Variants in PCDH7 observed in about 807,000 individuals in gnomAD.
PCDH7 encodes protocadherin 7.
PCDH7 carries 17 observed loss-of-function variants against 58.9 expected under a neutral mutation model. The observed-to-expected ratio is 0.29, with a 90% CI of 0.20 to 0.43. PCDH7 has a LOEUF of 0.43. PCDH7 is among the 20% of genes least tolerant of loss of function. The probability of loss-of-function intolerance (pLI) is 1.00; values close to 1 mark genes in which losing one functional copy is unlikely to be tolerated. For missense variants in PCDH7, 1,274 were observed against 1,441.0 expected (o/e 0.88, Z 1.88); for synonymous variants, 664 against 616.4 (o/e 1.08, Z -1.14).
intron 2 of PCDH7, among the ~76,000 whole-genome samples, chr4:30,920,614 T>A (rs1035219225): frequency 3.9e-5 from 6 of 152,098 alleles, no homozygotes; most frequent in African/African-American, 1.4e-4. Context: ...TATAAATAAA[T>A]CAGAACAGGG....
intron 3 of PCDH7, among the ~76,000 whole-genome samples, chr4:30,958,575 A>G (rs1296696333): frequency 6.6e-6 from 1 of 151,948 alleles, no homozygotes; most frequent in African/African-American, 2.4e-5. Flanking sequence ...ATATCATAAG[A>G]AAAAAATCTT....
At chr4:30,767,203 G>A (rs1041298383) in intron 1 of PCDH7, among the ~76,000 whole-genome samples, 1 of 152,174 alleles carries the variant, frequency 6.6e-6, no homozygotes, top group Non-Finnish European at 1.5e-5. Context: ...TGATTCAATA[G>A]CAGGGTATGG....
chr4:30,793,126 T>G (rs1724342509), intron 1 of PCDH7, among the ~76,000 whole-genome samples: 1 of 152,166 alleles, frequency 6.6e-6, no homozygotes, highest in South Asian at 2.1e-4. Context: ...AACGCCTTGC[T>G]ATTTTGATTG....
intron 2 of PCDH7, among the ~76,000 whole-genome samples, chr4:30,932,274 G>A (rs749991687): frequency 3.9e-5 from 6 of 152,124 alleles, no homozygotes; most frequent in African/African-American, 9.7e-5. Flanking sequence ...GAAATGTCAC[G>A]TCACTGATGT....
At chr4:31,053,001 CT>C (rs558461830) in intron 3 of PCDH7, among the ~76,000 whole-genome samples, 1 of 151,158 alleles carries the variant, frequency 6.6e-6, no homozygotes, top group Non-Finnish European at 1.5e-5. Context: ...AGTCAAATTA[CT>C]TTTTTTTTAC....
Position 30,722,608 on chromosome 4 carries a change from A to C in PCDH7, c.1186A>C (p.Thr396Pro). The C allele has an allele frequency of 6.2e-7, 1 of 1,613,240 alleles. No homozygotes were observed. The change falls in exon 1 of 2, where the codon ACC (threonine) becomes CCC (proline). Residue 396 changes from threonine (T) to proline (P), a missense_variant. By Grantham distance (38) the Thr-to-Pro change is conservative. Transcript: ENST00000361762. The surrounding 1 kb of genome is among the most constrained non-coding windows in gnomAD (Gnocchi z 7.6). ...CCGCGACCGCGGGCAGCCCCCCAAGACCGACAAGGCCACCGTGGTCCTTAA... is the reference window on the plus strand; with the variant it reads ...CCGCGACCGCGGGCAGCCCCCCAAGCCCGACAAGGCCACCGTGGTCCTTAA...
intron 1 of PCDH7, among the ~76,000 whole-genome samples, chr4:30,729,399 G>T (rs183322147): frequency 4.1e-4 from 63 of 151,830 alleles, no homozygotes; most frequent in African/African-American, 1.4e-3. Context: ...AAAATTATCT[G>T]GGAAAATATA....
intron 2 of PCDH7, among the ~76,000 whole-genome samples, chr4:30,927,241 T>C (rs548722079): frequency 5.9e-5 from 9 of 152,316 alleles, no homozygotes; most frequent in African/African-American, 2.2e-4. Context: ...TTCTTTTTGC[T>C]TATAGATTAC....
chr4:30,928,623 T>A (rs1432219152), intron 2 of PCDH7, among the ~76,000 whole-genome samples: 2 of 152,006 alleles, frequency 1.3e-5, no homozygotes, highest in Non-Finnish European at 2.9e-5. Flanking sequence ...AAGTTCAGAG[T>A]GGTGTGAGGT....
At chr4:30,842,931 AT>A (rs1486102166) in intron 1 of PCDH7, among the ~76,000 whole-genome samples, 1 of 151,966 alleles carries the variant, frequency 6.6e-6, no homozygotes, top group Non-Finnish European at 1.5e-5. Context: ...TACTTATTCT[AT>A]TGTTTTCCAT....
At chr4:31,140,294 G>A (rs1405904987) in intron 3 of PCDH7, among the ~76,000 whole-genome samples, 1 of 152,122 alleles carries the variant, frequency 6.6e-6, no homozygotes, top group Admixed American at 6.5e-5. Context: ...GCAGCCACCT[G>A]TATAAGTCAC....
intron 1 of PCDH7, among the ~76,000 whole-genome samples, chr4:30,851,610 A>C (rs954248617): frequency 6.6e-6 from 1 of 152,084 alleles, no homozygotes; most frequent in African/African-American, 2.4e-5. Flanking sequence ...TTGTAACTGT[A>C]TGACCAAAAT....
chr4:30,823,379 G>A (rs147824494), intron 1 of PCDH7, among the ~76,000 whole-genome samples: 5 of 152,158 alleles, frequency 3.3e-5, no homozygotes, highest in African/African-American at 7.2e-5. Flanking sequence ...CAAGCATGTC[G>A]TCACCGGTAC....
intron 1 of PCDH7, among the ~76,000 whole-genome samples, chr4:30,744,137 C>T (rs912131188): frequency 5.9e-5 from 9 of 152,114 alleles, no homozygotes; most frequent in Non-Finnish European, 8.8e-5. Flanking sequence ...GCTGTTTTCT[C>T]ACTGTCTCAG....
intron 2 of PCDH7, among the ~76,000 whole-genome samples, chr4:30,937,033 A>G (rs1401232841): frequency 1.1e-5 from 1 of 94,862 alleles, no homozygotes; most frequent in South Asian, 3.6e-4. Flanking sequence ...GCTTAACTCA[A>G]TGGGAAGAGG....
chr4:30,808,217 T>C (rs1050765232), intron 1 of PCDH7, among the ~76,000 whole-genome samples: 3 of 152,208 alleles, frequency 2.0e-5, no homozygotes, highest in African/African-American at 7.2e-5. Context: ...TCGATAAATT[T>C]CAAGTATGAC....
At chr4:30,903,719 T>C (rs1370960257) in intron 1 of PCDH7, among the ~76,000 whole-genome samples, 2 of 152,176 alleles carry the variant, frequency 1.3e-5, no homozygotes, top group South Asian at 2.1e-4. Context: ...GATTCCTGAC[T>C]TGAAACTCCA....
intron 3 of PCDH7, among the ~76,000 whole-genome samples, chr4:30,999,985 T>A (rs577726389): frequency 6.6e-6 from 1 of 152,266 alleles, no homozygotes; most frequent in Admixed American, 6.5e-5. Flanking sequence ...AATAAATTAT[T>A]GTTTATGGCT....
At chr4:31,106,187 C>T (rs1040497228) in intron 3 of PCDH7, among the ~76,000 whole-genome samples, 14 of 152,040 alleles carry the variant, frequency 9.2e-5, no homozygotes, top group Non-Finnish European at 1.9e-4. Context: ...GTTCTGATTC[C>T]TTTTCAAAGC....
Sources: allele counts gnomAD v4.1 joint callset (sites outside exome capture counted in the v4.1 genomes callset), GRCh38; gene constraint gnomAD v4.1.1; non-coding constraint Gnocchi (gnomAD v3.1); transcripts MANE v1.5; gene names NCBI Gene and HGNC (gene_info 2026-07-23, HGNC 2026-07-21).